Variants in TNFSF4 observed in about 807,000 individuals in gnomAD.
TNFSF4 encodes the protein TNF superfamily member 4.
TNFSF4 carries 4 observed loss-of-function variants against 7.3 expected under a neutral mutation model. The observed-to-expected ratio is 0.55, with a 90% CI of 0.27 to 1.25. TNFSF4 has a LOEUF of 1.25. Ranked by LOEUF, TNFSF4 falls within the 50% of genes most tolerant of loss-of-function variation. The pLI is 0.12. For synonymous variants in TNFSF4, 76 were observed against 83.7 expected (o/e 0.91, Z 0.50); for missense variants, 181 against 208.8 (o/e 0.87, Z 0.82).
chr1:173,317,364 T>G, the TNFSF4 span, among the ~76,000 whole-genome samples: 1 of 152,214 alleles, frequency 6.6e-6, no homozygotes, highest in African/African-American at 2.4e-5. Context: ...GATTACTCAA[T>G]ACGCTTCTTG....
At chr1:173,381,966 C>T in the TNFSF4 span, among the ~76,000 whole-genome samples, 1 of 152,144 alleles carries the variant, frequency 6.6e-6, no homozygotes, top group Non-Finnish European at 1.5e-5. Context: ...GTGAAATGGA[C>T]CAATCAGCAG....
At chr1:173,220,963 A>C in the TNFSF4 span, among the ~76,000 whole-genome samples, 3 of 152,204 alleles carry the variant, frequency 2.0e-5, no homozygotes, top group Non-Finnish European at 2.9e-5. Context: ...CAGGGACAAG[A>C]AGGGGCATCA....
the TNFSF4 span, among the ~76,000 whole-genome samples, chr1:173,283,220 ACAGGCCTTTG>A: frequency 6.6e-6 from 1 of 152,178 alleles, no homozygotes; most frequent in African/African-American, 2.4e-5. Context: ...CCTGGATAAA[ACAGGCCTTTG>A]AATGTATATT....
chr1:173,397,917 G>A, the TNFSF4 span, among the ~76,000 whole-genome samples: 1 of 152,122 alleles, frequency 6.6e-6, no homozygotes, highest in African/African-American at 2.4e-5. Context: ...ATGGGTCTTG[G>A]GGAATGACAT....
In TNFSF4 at chr1:173,206,875, G is replaced by A. The variant is rs139928077; in HGVS notation, c.153+149C>T. The stretch of plus-strand genomic sequence containing the variant: ...GGAAGGAAAGGAGAGACAGAAGGGC[G>A]TTTAACCACACTTTACGATTGCTGT... On this transcript the variant is annotated intron_variant, in intron 1 of 2. Coordinates refer to ENST00000281834, the MANE Select transcript of TNFSF4 (RefSeq NM_003326.5). The A allele has an allele frequency of 2.2e-3, 1,980 of 896,830 alleles. 6 individuals carry two copies. Among genetic ancestry groups the A allele is most frequent in the Middle Eastern group, 5.2e-3 (14 of 2,714 alleles). 55.6% of individuals were successfully genotyped at this position (896,830 alleles called of 1,614,324 possible).
the TNFSF4 span, among the ~76,000 whole-genome samples, chr1:173,252,944 C>T: frequency 2.2e-4 from 33 of 152,344 alleles, no homozygotes; most frequent in Non-Finnish European, 4.4e-4. Context: ...TGAAATCTTA[C>T]ATGCCTCCCT....
At chr1:173,302,448 T>A in the TNFSF4 span, among the ~76,000 whole-genome samples, 1 of 151,880 alleles carries the variant, frequency 6.6e-6, no homozygotes, top group African/African-American at 2.4e-5. Flanking sequence ...GATGTTATTG[T>A]TCATCACACT....
chr1:173,215,661 A>G, the TNFSF4 span, among the ~76,000 whole-genome samples: 1 of 152,332 alleles, frequency 6.6e-6, no homozygotes, highest in Admixed American at 6.5e-5. Context: ...TTATTGTTTC[A>G]CTGACATATG....
rs1650232065 is a variant in TNFSF4, at chr1:173,207,168, C to A, written c.9G>T (p.Arg3Ser). The change falls in exon 1 of 3, where the codon AGG becomes AGT. Residue 3 changes from arginine (R) to serine (S), a missense_variant. Arg to Ser is a moderately radical substitution (Grantham distance 110, BLOSUM62 -1). Transcript: ENST00000281834. ME[R>S]VQPLEENVGN... ...CCACATTCTCTTCCAGGGGTTGGACCCTTTCCATCTTCACAATCTGGGTAG... is the reference window on the plus strand; with the variant it reads ...CCACATTCTCTTCCAGGGGTTGGACACTTTCCATCTTCACAATCTGGGTAG... The A allele has an allele frequency of 6.2e-7, 1 of 1,611,390 alleles. No homozygotes were observed. The highest frequency in any genetic ancestry group is 1.1e-5 in the South Asian group (1 of 90,938).
chr1:173,195,808 G>C (rs1372756705), intron 1 of TNFSF4, among the ~76,000 whole-genome samples: 1 of 152,206 alleles, frequency 6.6e-6, no homozygotes, highest in Non-Finnish European at 1.5e-5. Context: ...ACAATGTCAA[G>C]GCCTTGGTGG....
the TNFSF4 span, among the ~76,000 whole-genome samples, chr1:173,229,878 G>A: frequency 2.6e-5 from 4 of 152,100 alleles, no homozygotes; most frequent in Admixed American, 2.0e-4. Flanking sequence ...AACAAGAAGA[G>A]CTAACTATCT....
the TNFSF4 span, chr1:173,362,344 G>A: frequency 1.5e-5 from 4 of 267,612 alleles, no homozygotes; most frequent in African/African-American, 6.7e-5. Context: ...TGACAATTGT[G>A]TATACAGTTC....
the TNFSF4 span, among the ~76,000 whole-genome samples, chr1:173,384,203 C>G: frequency 1.3e-5 from 2 of 151,926 alleles, no homozygotes; most frequent in Admixed American, 1.3e-4. Flanking sequence ...ATATCCCTAC[C>G]CTGGTGATAC....
the TNFSF4 span, among the ~76,000 whole-genome samples, chr1:173,393,101 A>T: frequency 2.0e-5 from 3 of 152,148 alleles, no homozygotes; most frequent in Non-Finnish European, 1.5e-5. Context: ...GTAGGAATGG[A>T]AGGGCTGAAT....
chr1:173,222,315 A>C, the TNFSF4 span, among the ~76,000 whole-genome samples: 1 of 152,248 alleles, frequency 6.6e-6, no homozygotes, highest in Non-Finnish European at 1.5e-5. Context: ...AAAAGACAAG[A>C]TATGAAAACT....
At chr1:173,349,418 C>T in the TNFSF4 span, among the ~76,000 whole-genome samples, 1 of 152,190 alleles carries the variant, frequency 6.6e-6, no homozygotes, top group East Asian at 1.9e-4. Context: ...ATTCGATGGA[C>T]TTTTTGAACT....
chr1:173,373,992 C>T, the TNFSF4 span, among the ~76,000 whole-genome samples: 70 of 152,292 alleles, frequency 4.6e-4, no homozygotes, highest in Non-Finnish European at 7.6e-4. Context: ...CTGCAGGCCA[C>T]AATCCTCAGA....
the TNFSF4 span, among the ~76,000 whole-genome samples, chr1:173,374,619 C>G: frequency 3.3e-5 from 5 of 152,166 alleles, no homozygotes; most frequent in Admixed American, 2.0e-4. Flanking sequence ...TGAGGAAAAA[C>G]CCCTTCCGAC....
At chr1:173,252,698 T>A in the TNFSF4 span, among the ~76,000 whole-genome samples, 1 of 152,200 alleles carries the variant, frequency 6.6e-6, no homozygotes, top group Non-Finnish European at 1.5e-5. Flanking sequence ...GAACCCATGC[T>A]GAAGGCTGAT....
Sources: allele counts gnomAD v4.1 joint callset (sites outside exome capture counted in the v4.1 genomes callset), GRCh38; gene constraint gnomAD v4.1.1; transcripts MANE v1.5; gene names NCBI Gene and HGNC (gene_info 2026-07-23, HGNC 2026-07-21).